ELOVL2: variants seen among roughly 807,000 people sequenced by gnomAD.
ELOVL2 encodes the protein ELOVL fatty acid elongase 2, also known as very long chain fatty acid elongase 2.
ELOVL2 carries 38 observed loss-of-function variants against 37.7 expected under a neutral mutation model. That is an observed-to-expected ratio of 1.01 (90% CI 0.78 to 1.32). ELOVL2 has a LOEUF of 1.32. ELOVL2 is among the 40% of genes most tolerant of loss of function. The pLI is 0.00. For missense variants in ELOVL2, 352 were observed against 363.6 expected (o/e 0.97, Z 0.26); for synonymous variants, 115 against 122.3 (o/e 0.94, Z 0.40).
intron 5 of ELOVL2, among the ~76,000 whole-genome samples, chr6:10,993,414 T>C (rs1782200461): frequency 1.3e-5 from 2 of 152,208 alleles, no homozygotes; most frequent in Admixed American, 1.3e-4. Context: ...ATACTTTAAC[T>C]TCTTATATAT....
chr6:11,009,267 C>T (rs1350316035), intron 2 of ELOVL2, among the ~76,000 whole-genome samples: 1 of 152,152 alleles, frequency 6.6e-6, no homozygotes, highest in Non-Finnish European at 1.5e-5. Context: ...TGCAGATACT[C>T]CCAAACCCTG....
intron 2 of ELOVL2, among the ~76,000 whole-genome samples, chr6:11,008,956 T>C (rs1025730254): frequency 3.9e-5 from 6 of 152,196 alleles, no homozygotes; most frequent in Middle Eastern, 3.2e-3. Context: ...ACTCCTCCAA[T>C]AGGGCTGAGG....
At chr6:10,986,474 TG>T (rs201885653) in intron 7 of ELOVL2, among the ~76,000 whole-genome samples, 2,522 of 152,326 alleles carry the variant, frequency 0.017, 64 homozygotes, top group African/African-American at 0.057. Flanking sequence ...AGTATGATAT[TG>T]GCTGTGGGTT....
At chr6:11,011,200 T>C (rs1421396428) in intron 1 of ELOVL2, among the ~76,000 whole-genome samples, 1 of 151,674 alleles carries the variant, frequency 6.6e-6, no homozygotes, top group African/African-American at 2.4e-5. Flanking sequence ...CCATCTCTAC[T>C]AAAAATACAA....
Position 10,990,349 on chromosome 6 carries a change from C to CAAAG in ELOVL2, c.595_598dup (p.Trp200SerfsTer123), listed in dbSNP as rs767953842. 1 of 1,612,564 alleles carries CAAAG rather than the reference C, an allele frequency of 6.2e-7. No homozygotes were observed. The highest frequency in any genetic ancestry group is 1.3e-5 in the African/African-American group (1 of 74,842). On this transcript the variant is annotated frameshift_variant, in exon 6 of 8. Coordinates refer to ENST00000354666, the MANE Select transcript of ELOVL2 (RefSeq NM_017770.4). LOFTEE classifies it high-confidence loss of function. ...AGCCTGTGTGAGATATTTCTTCCAC[C>CAAAG]AAAGATACTTGTGCATAGATGGAAA...
intron 7 of ELOVL2, among the ~76,000 whole-genome samples, chr6:10,986,778 A>G (rs1782060348): frequency 1.3e-5 from 2 of 152,096 alleles, no homozygotes; most frequent in Non-Finnish European, 2.9e-5. Flanking sequence ...TTTTTGCATC[A>G]ATGTTCATCA....
At chr6:10,987,391 CT>C (rs2113466485) in intron 7 of ELOVL2, among the ~76,000 whole-genome samples, 1 of 152,238 alleles carries the variant, frequency 6.6e-6, no homozygotes, top group African/African-American at 2.4e-5. Context: ...CTTCTGCTAG[CT>C]TTTGAATGTG....
At chr6:11,005,217 C>G (rs1450932323) in intron 3 of ELOVL2, among the ~76,000 whole-genome samples, 155 bp downstream of exon 3, 1 of 151,920 alleles carries the variant, frequency 6.6e-6, no homozygotes, top group Non-Finnish European at 1.5e-5. Context: ...TAAACAAGGA[C>G]TTCCAGGATT....
At chr6:11,016,143 C>G (rs1008406034) in intron 1 of ELOVL2, among the ~76,000 whole-genome samples, 2 of 152,122 alleles carry the variant, frequency 1.3e-5, no homozygotes, top group African/African-American at 4.8e-5. Context: ...TCCTTTTCCC[C>G]TCTATTTCCT....
intron 1 of ELOVL2, among the ~76,000 whole-genome samples, chr6:11,039,373 T>C (rs190667313): frequency 1.3e-5 from 2 of 152,276 alleles, no homozygotes; most frequent in Admixed American, 1.3e-4. Flanking sequence ...AAACATCAAG[T>C]TTCATTGCTA....
At chr6:11,022,477 G>A in intron 1 of ELOVL2, among the ~76,000 whole-genome samples, 1 of 152,182 alleles carries the variant, frequency 6.6e-6, no homozygotes, top group African/African-American at 2.4e-5. Context: ...TCAATCCCGG[G>A]AGAACTCTTG....
chr6:11,001,008 G>C (rs1483990232), intron 3 of ELOVL2, among the ~76,000 whole-genome samples: 1 of 152,194 alleles, frequency 6.6e-6, no homozygotes, highest in Non-Finnish European at 1.5e-5. Context: ...TAAAATTCTA[G>C]AATATAAGGC....
At chr6:10,985,185 G>A (rs6931869) in intron 7 of ELOVL2, among the ~76,000 whole-genome samples, 3,053 of 152,070 alleles carry the variant, frequency 0.02, 93 homozygotes, top group African/African-American at 0.07. Flanking sequence ...GTCTGTTCAT[G>A]TCTTTCGCCC....
chr6:10,995,000 AACTT>A lies in ELOVL2; in HGVS notation c.505+3_505+6del. The A allele has an allele frequency of 1.3e-6, 2 of 1,579,946 alleles. No individual in the cohort carries two copies. The highest frequency in any genetic ancestry group is 1.7e-6 in the Non-Finnish European group (2 of 1,163,952). ...CTCAAAACGGAAAAATTAACAAAATAACTTACTTTGTCCACAAGGTATCCAGTTC... is the reference window on the plus strand; with the variant it reads ...CTCAAAACGGAAAAATTAACAAAATAACTTTGTCCACAAGGTATCCAGTTC... On this transcript the variant is annotated splice_donor_5th_base_variant and intron_variant, in intron 5 of 7. Coordinates refer to ENST00000354666, the MANE Select transcript of ELOVL2 (RefSeq NM_017770.4).
At chr6:11,029,202 C>T (rs572816338) in intron 1 of ELOVL2, among the ~76,000 whole-genome samples, 56 of 127,838 alleles carry the variant, frequency 4.4e-4, no homozygotes, top group South Asian at 1.5e-3. Flanking sequence ...CACTTCAGCC[C>T]GGGGCGACAG....
chr6:10,999,816 C>G (rs1782347224), intron 4 of ELOVL2, among the ~76,000 whole-genome samples: 1 of 152,196 alleles, frequency 6.6e-6, no homozygotes, highest in Admixed American at 6.5e-5. Context: ...GTTCATGTAA[C>G]TATATCCCAG....
In ELOVL2 at chr6:11,010,007, G is replaced by C. The variant is rs865903071; in HGVS notation, c.67+739C>G. ...TCATCCTACCTACGGGCCCCGGGCA[G>C]AGAAAGCGCACACATCTTTTTTTTT... On this transcript the variant is annotated intron_variant, in intron 2 of 7. Transcript: ENST00000354666. Among the ~76,000 whole-genome samples the C allele has an allele frequency of 9.3e-5, 14 of 151,006 alleles. 1 individual carries two copies. In the Middle Eastern group the frequency reaches 0.021, roughly 222 times the overall value.
At chr6:11,022,206 G>A (rs1400322592) in intron 1 of ELOVL2, among the ~76,000 whole-genome samples, 1 of 152,186 alleles carries the variant, frequency 6.6e-6, no homozygotes, top group African/African-American at 2.4e-5. Flanking sequence ...ATGCTGCGTG[G>A]AGTGTGTTAC....
At chr6:11,000,304 A>C in intron 3 of ELOVL2, 140 bp from the exon 4 acceptor site, 1 of 725,292 alleles carries the variant, frequency 1.4e-6, no homozygotes, top group East Asian at 2.7e-5. Flanking sequence ...TCTCAATCCT[A>C]TCCTCAAACA....
Sources: gnomAD v4.1 joint callset for allele counts (sites outside exome capture counted in the v4.1 genomes callset) on GRCh38, gnomAD v4.1.1 for gene constraint, MANE v1.5 for transcripts, NCBI Gene and HGNC (gene_info 2026-07-23, HGNC 2026-07-21) for gene names.